YLPM1: variants seen among roughly 807,000 people sequenced by gnomAD.
YLPM1 encodes the protein YLP motif containing 1, also known as YLP motif-containing protein 1.
Under a neutral mutation model 230.0 loss-of-function variants are expected in YLPM1, and 99 were observed. The ratio of observed to expected loss-of-function variants is 0.43; its 90% CI spans 0.37 to 0.51. The LOEUF is 0.51. Ranked by LOEUF, YLPM1 falls within the 20% of genes least tolerant of loss-of-function variation. The probability of loss-of-function intolerance (pLI) is 0.00; values close to 1 mark genes in which losing one functional copy is unlikely to be tolerated. For synonymous variants in YLPM1, 984 were observed against 942.5 expected (o/e 1.04, Z -0.81); for missense variants, 2,592 against 2,707.7 (o/e 0.96, Z 0.95).
chr14:74,801,238 G>A (rs2287407), intron 5 of YLPM1, among the ~76,000 whole-genome samples: 22,830 of 152,044 alleles, frequency 0.15, 1,891 homozygotes, highest in South Asian at 0.3. Context: ...TGTCATAGCC[G>A]AATACAAGTC....
chr14:74,763,454 C>G lies in YLPM1; in HGVS notation c.-36C>G. 7.3e-7 allele frequency: 1 copy of G among 1,376,838 alleles called. No homozygotes were observed. The allele number at this position is 1,376,838 out of a possible 1,614,324, so 85.3% of individuals were successfully genotyped here. ...CCTGGAGGTCGGTTGCGACGAGTAA[C>G]GGCGCCAGGACGAGCCCTGCGCCTT... On this transcript the variant is annotated 5_prime_UTR_variant, in exon 1 of 21. Transcript: ENST00000325680.
intron 19 of YLPM1, among the ~76,000 whole-genome samples, chr14:74,829,544 A>G (rs967467980): frequency 3.9e-5 from 6 of 152,184 alleles, no homozygotes; most frequent in Non-Finnish European, 7.3e-5. Flanking sequence ...TGGAGAACAG[A>G]ACCTCACATG....
intron 11 of YLPM1, among the ~76,000 whole-genome samples, chr14:74,814,715 A>T (rs1017275768): frequency 6.6e-6 from 1 of 152,108 alleles, no homozygotes; most frequent in Non-Finnish European, 1.5e-5. Context: ...TCTTGTCTGT[A>T]TGTGGTTTGG....
chr14:74,775,528 T>C (rs900582708), intron 1 of YLPM1, among the ~76,000 whole-genome samples: 1 of 152,214 alleles, frequency 6.6e-6, no homozygotes, highest in African/African-American at 2.4e-5. Context: ...GTGAATTCAT[T>C]TAACACAGGA....
At chr14:74,794,406 T>C (rs928581542) in intron 4 of YLPM1, among the ~76,000 whole-genome samples, 1 of 152,202 alleles carries the variant, frequency 6.6e-6, no homozygotes, top group African/African-American at 2.4e-5. Flanking sequence ...GGTCTCTAAC[T>C]CCTGACCTCA....
In YLPM1 at chr14:74,835,303, T is replaced by C. The variant is rs755397399; in HGVS notation, c.6333T>C (p.Asp2111=). The change falls in exon 20 of 21, where the codon GAT becomes GAC. Residue 2111 remains aspartate, a synonymous_variant. Coordinates refer to ENST00000325680, the MANE Select transcript of YLPM1 (RefSeq NM_019589.3). ...WADLEEKKDA[D]RKRAIGFVVG... is the part of the protein sequence containing the mutation. ...ACCTGGAAGAGAAGAAGGATGCAGA[T>C]AGGAAAAGGGCCATAGGTTTTGTGG... The C allele has an allele frequency of 5.0e-6, 8 of 1,613,466 alleles. No homozygotes were observed. The highest frequency in any genetic ancestry group is 1.3e-5 in the African/African-American group (1 of 74,864).
intron 10 of YLPM1, among the ~76,000 whole-genome samples, chr14:74,812,388 A>C (rs2091441949): frequency 6.6e-6 from 1 of 152,220 alleles, no homozygotes; most frequent in South Asian, 2.1e-4. Flanking sequence ...TAATACAAAC[A>C]AGGATGAATT....
intron 4 of YLPM1, among the ~76,000 whole-genome samples, chr14:74,793,919 A>G (rs917006896): frequency 1.3e-5 from 2 of 151,764 alleles, no homozygotes; most frequent in Admixed American, 6.6e-5. Flanking sequence ...GAGAATCCTG[A>G]CCTTCTCTGA....
At chr14:74,792,013 A>G (rs1419755026) in intron 4 of YLPM1, among the ~76,000 whole-genome samples, 1 of 152,216 alleles carries the variant, frequency 6.6e-6, no homozygotes, top group Non-Finnish European at 1.5e-5. Flanking sequence ...CATTTAATAC[A>G]TAGCAAATGA....
chr14:74,768,466 C>G (rs563349614), intron 1 of YLPM1, among the ~76,000 whole-genome samples: 1 of 152,096 alleles, frequency 6.6e-6, no homozygotes, highest in Non-Finnish European at 1.5e-5. Flanking sequence ...AGGCTGGTCT[C>G]GAACTCCTGA....
intron 17 of YLPM1, 82 bp from the exon 18 acceptor site, chr14:74,824,174 T>C (rs1555369341): frequency 7.2e-7 from 1 of 1,384,800 alleles, no homozygotes. Flanking sequence ...ATTCCCAGTT[T>C]TAATGCTTTT....
rs2091373133 is a variant in YLPM1, at chr14:74,805,844, A to G, written c.4521+3168A>G. On this transcript the variant is annotated intron_variant, in intron 6 of 20. Transcript: ENST00000325680. ...CATCCTCCTGAGTAGCTGGGATTAC[A>G]GGTGCCTGCCACCATTCCTGGCTCA... 3.4e-5 allele frequency among the ~76,000 whole-genome samples: 5 copies of G among 147,412 alleles called. No individual in the cohort carries two copies. In the Admixed American group the frequency reaches 3.4e-4, roughly 10 times the overall value.
Position 74,835,352 on chromosome 14 carries a change from A to T in YLPM1, c.6382A>T (p.Ile2128Phe). The T allele has an allele frequency of 6.2e-7, 1 of 1,613,812 alleles. No individual in the cohort carries two copies. Among genetic ancestry groups the T allele is most frequent in the Non-Finnish European group, 8.5e-7 (1 of 1,179,740 alleles). Residue 2128 changes from isoleucine (I) to phenylalanine (F), a missense_variant, in exon 20 of 21, where the codon ATC becomes TTC. Physicochemically the swap from Ile to Phe is conservative, Grantham distance 21 (BLOSUM62 0). Coordinates refer to ENST00000325680, the MANE Select transcript of YLPM1 (RefSeq NM_019589.3). The part of the protein sequence containing the change: ...FVVGQTDWEK[I>F]TDESGHLAEK... The stretch of plus-strand genomic sequence containing the variant: ...GGTCGGACAGACTGATTGGGAGAAG[A>T]TCACAGATGAAAGTGGTCACCTGGC...
intron 3 of YLPM1, among the ~76,000 whole-genome samples, chr14:74,780,907 A>G (rs1336224171): frequency 1.3e-5 from 2 of 152,234 alleles, no homozygotes. Context: ...AGATAAGCAA[A>G]GAGGCCAAAA....
intron 18 of YLPM1, chr14:74,827,424 A>G (rs2091573208): frequency 1.0e-6 from 1 of 985,310 alleles, no homozygotes; most frequent in South Asian, 4.7e-5. Context: ...AGGAAACTTT[A>G]AACATATTTG....
At chr14:74,792,064 T>C (rs536236753) in intron 4 of YLPM1, among the ~76,000 whole-genome samples, 1 of 152,346 alleles carries the variant, frequency 6.6e-6, no homozygotes, top group East Asian at 1.9e-4. Flanking sequence ...ATTGAGGCAC[T>C]TTAAATTAAT....
chr14:74,810,850 C>G (rs1594835847), intron 9 of YLPM1, among the ~76,000 whole-genome samples: 1 of 152,224 alleles, frequency 6.6e-6, no homozygotes, highest in Non-Finnish European at 1.5e-5. Context: ...GACGGGGTCT[C>G]TCTCAGTCTG....
At chr14:74,825,486 T>TAAC (rs2091554575) in intron 18 of YLPM1, among the ~76,000 whole-genome samples, 1 of 152,170 alleles carries the variant, frequency 6.6e-6, no homozygotes, top group African/African-American at 2.4e-5. Context: ...ATCTTAATAA[T>TAAC]AACCAATTGT....
chr14:74,807,264 A>C (rs1423143388), intron 6 of YLPM1, among the ~76,000 whole-genome samples: 1 of 152,206 alleles, frequency 6.6e-6, no homozygotes, highest in African/African-American at 2.4e-5. Context: ...ATAAAGAAAA[A>C]ACATCCTAGA....
Sources: allele counts gnomAD v4.1 joint callset (sites outside exome capture counted in the v4.1 genomes callset), GRCh38; gene constraint gnomAD v4.1.1; transcripts MANE v1.5; gene names NCBI Gene and HGNC (gene_info 2026-07-23, HGNC 2026-07-21).